Variants in RBM17 observed in about 807,000 individuals in gnomAD.
The protein encoded by RBM17 is splicing factor 45.
Under a neutral mutation model 53.2 loss-of-function variants are expected in RBM17, and 7 were observed. That is an observed-to-expected ratio of 0.13 (90% CI 0.07 to 0.25). The LOEUF is 0.25. RBM17 is among the 10% of genes least tolerant of loss of function. RBM17 has a pLI of 1.00. For missense variants in RBM17, 257 were observed against 496.7 expected (o/e 0.52, Z 4.59); for synonymous variants, 167 against 178.1 (o/e 0.94, Z 0.50).
intron 7 of RBM17, among the ~76,000 whole-genome samples, chr10:6,111,905 G>A (rs10905819): frequency 0.33 from 49,698 of 152,000 alleles, 9,361 homozygotes; most frequent in Non-Finnish European, 0.43. Flanking sequence ...GTGCAGGTCC[G>A]GAGCACACAA....
At chr10:6,096,499 G>T (rs75827481) in intron 1 of RBM17, among the ~76,000 whole-genome samples, 2,394 of 152,176 alleles carry the variant, frequency 0.016, 29 homozygotes, top group Admixed American at 0.024. Context: ...TTTCCACTTG[G>T]TGTGATATGA....
intron 5 of RBM17, among the ~76,000 whole-genome samples, chr10:6,107,038 A>G (rs1179932024): frequency 6.6e-6 from 1 of 152,238 alleles, no homozygotes; most frequent in Non-Finnish European, 1.5e-5. Flanking sequence ...TAAAATGATC[A>G]TGGAAGTATT....
Position 6,108,675 on chromosome 10 carries a change from T to C in RBM17, c.506-11T>C. ...AAACCTCCTTTAATGCTTGGATTTG[T>C]GGTTTTGCAGGTATGGGCGGAGCTG... is the stretch of plus-strand genomic sequence containing the variant. On this transcript the variant is annotated splice_polypyrimidine_tract_variant and intron_variant, in intron 5 of 11. Transcript: ENST00000379888. 1 of 1,610,086 alleles carries C rather than the reference T, an allele frequency of 6.2e-7. No individual in the cohort carries two copies. Among genetic ancestry groups the C allele is most frequent in the Non-Finnish European group, 8.5e-7 (1 of 1,177,894 alleles).
chr10:6,098,556 G>GGTTTTTTTTTTT (rs1840613398), intron 2 of RBM17, among the ~76,000 whole-genome samples: 7 of 87,982 alleles, frequency 8.0e-5, no homozygotes, highest in South Asian at 4.3e-4. Context: ...TAATACACAG[G>GGTTTTTTTTTTT]TTTTTTGTTT....
intron 5 of RBM17, among the ~76,000 whole-genome samples, chr10:6,107,241 A>G (rs956813505): frequency 4.5e-4 from 68 of 152,306 alleles, no homozygotes; most frequent in Admixed American, 1.3e-3. Flanking sequence ...CAGTGGTGCA[A>G]TCTCGGCTCA....
intron 5 of RBM17, among the ~76,000 whole-genome samples, chr10:6,107,176 A>G (rs191795655): frequency 6.6e-6 from 1 of 152,336 alleles, no homozygotes; most frequent in East Asian, 1.9e-4. Context: ...ATTCTTTAGA[A>G]GAATGAATTT....
intron 1 of RBM17, among the ~76,000 whole-genome samples, chr10:6,090,181 C>T (rs1840461821): frequency 6.6e-6 from 1 of 152,028 alleles, no homozygotes; most frequent in Non-Finnish European, 1.5e-5. Context: ...ATTGAGGGTC[C>T]TTATTTTGCT....
At chr10:6,094,982 T>C (rs1840550684) in intron 1 of RBM17, among the ~76,000 whole-genome samples, 1 of 152,204 alleles carries the variant, frequency 6.6e-6, no homozygotes, top group South Asian at 2.1e-4. Flanking sequence ...AGTTCAGAGT[T>C]ATTAAACTAG....
At chr10:6,090,820 G>C (rs2132934420) in intron 1 of RBM17, among the ~76,000 whole-genome samples, 1 of 151,002 alleles carries the variant, frequency 6.6e-6, no homozygotes, top group South Asian at 2.1e-4. Context: ...TGAATGGAAA[G>C]ATTAAACTGA....
chr10:6,109,055 G>C (rs562969867), intron 6 of RBM17, among the ~76,000 whole-genome samples: 1 of 150,826 alleles, frequency 6.6e-6, no homozygotes, highest in Non-Finnish European at 1.5e-5. Flanking sequence ...ACAGCAGATC[G>C]TTACAGTTTT....
At chr10:6,098,415 A>G (rs915886966) in intron 2 of RBM17, among the ~76,000 whole-genome samples, 1 of 152,142 alleles carries the variant, frequency 6.6e-6, no homozygotes, top group Non-Finnish European at 1.5e-5. Context: ...ACTTCTAAAC[A>G]ATTCAGTCCC....
At chr10:6,097,807 A>G (rs1252042074) in intron 2 of RBM17, among the ~76,000 whole-genome samples, 1 of 152,228 alleles carries the variant, frequency 6.6e-6, no homozygotes, top group Non-Finnish European at 1.5e-5. Flanking sequence ...TACTCCTGAT[A>G]TTCTGGTAAA....
intron 5 of RBM17, 32 bp downstream of exon 5, chr10:6,106,270 T>C (rs374977946): frequency 1.4e-6 from 2 of 1,388,864 alleles, no homozygotes; most frequent in Admixed American, 1.7e-5. Flanking sequence ...CTTAAACATA[T>C]ATAAATACTG....
intron 3 of RBM17, among the ~76,000 whole-genome samples, chr10:6,104,139 A>G (rs1020892972): frequency 6.6e-6 from 1 of 152,240 alleles, no homozygotes; most frequent in Non-Finnish European, 1.5e-5. Flanking sequence ...CACCACGTGT[A>G]GACCGAGGCT....
intron 11 of RBM17, 68 bp downstream of exon 11, chr10:6,115,379 A>AG: frequency 6.5e-7 from 1 of 1,532,806 alleles, no homozygotes; most frequent in Non-Finnish European, 9.0e-7. Context: ...TTACAAGTAA[A>AG]GTTACTGTTT....
At chr10:6,105,322 G>A (rs1231509796) in intron 4 of RBM17, among the ~76,000 whole-genome samples, 1 of 152,170 alleles carries the variant, frequency 6.6e-6, no homozygotes, top group Admixed American at 6.5e-5. Flanking sequence ...TTTTGAGTGA[G>A]TTGTTAGAAA....
chr10:6,108,609 G>GAT (rs1011007850), intron 5 of RBM17, 77 bp from the exon 6 acceptor site: 1 of 1,169,698 alleles, frequency 8.5e-7, no homozygotes, highest in African/African-American at 1.5e-5. Flanking sequence ...GTGGGTGATA[G>GAT]ATATATGGTG....
In RBM17 at chr10:6,112,403, G is replaced by T. The variant is rs1285120913; in HGVS notation, c.856+42G>T. 4 of 1,610,302 alleles carry T rather than the reference G, an allele frequency of 2.5e-6. No individual in the cohort carries two copies. Among genetic ancestry groups the T allele is most frequent in the Admixed American group, 1.7e-5 (1 of 59,832 alleles). ...GCGTGTGACTAGAGGGAAAGGACTG[G>T]CCCCATCCATATCAGACATGGCCAG... On this transcript the variant is annotated intron_variant, in intron 8 of 11. Transcript: ENST00000379888. The surrounding 1 kb of genome is among the most constrained non-coding windows in gnomAD (Gnocchi z 4.4).
Position 6,097,152 on chromosome 10 carries a change from G to C in RBM17, c.87G>C (p.Gln29His), listed in dbSNP as rs1224695237. The C allele has an allele frequency of 6.2e-7, 1 of 1,614,094 alleles. No homozygotes were observed. Among genetic ancestry groups the C allele is most frequent in the Admixed American group, 1.7e-5 (1 of 60,024 alleles). The change falls in exon 2 of 12, where the codon CAG becomes CAC. Residue 29 changes from glutamine to histidine, a missense_variant. Physicochemically the swap from Gln to His is conservative, Grantham distance 24 (BLOSUM62 0). Coordinates refer to ENST00000379888, the MANE Select transcript of RBM17 (RefSeq NM_032905.5). ...AAAACTTCAAACTTCTGCAGTCTCA[G>C]CTTCAGGTGAAGAAGGCAGCTCTCA... ...WSKNFKLLQSQLQVKKAALTQ... is the reference protein window; with the variant it reads ...WSKNFKLLQSHLQVKKAALTQ...
Sources: gnomAD v4.1 joint callset for allele counts (sites outside exome capture counted in the v4.1 genomes callset) on GRCh38, gnomAD v4.1.1 for gene constraint, Gnocchi (gnomAD v3.1) non-coding constraint, MANE v1.5 for transcripts, NCBI Gene and HGNC (gene_info 2026-07-23, HGNC 2026-07-21) for gene names.